PLGRKT: variants seen among roughly 807,000 people sequenced by gnomAD.
The protein encoded by PLGRKT is plasminogen receptor with a C-terminal lysine, also known as plasminogen receptor (KT).
A neutral mutation model predicts 18.5 loss-of-function variants in PLGRKT; 22 were observed. The observed-to-expected ratio is 1.19, with a 90% CI of 0.85 to 1.70. The LOEUF is 1.70. Ranked by LOEUF, PLGRKT falls within the 40% of genes most tolerant of loss-of-function variation. PLGRKT has a pLI of 0.00. For missense variants in PLGRKT, 235 were observed against 174.4 expected (o/e 1.35, Z -1.96); for synonymous variants, 72 against 52.8 (o/e 1.36, Z -1.58).
At chr9:5,417,882 G>A (rs1202607185) in intron 3 of PLGRKT, among the ~76,000 whole-genome samples, 1 of 152,086 alleles carries the variant, frequency 6.6e-6, no homozygotes, top group East Asian at 1.9e-4. Context: ...ACTAAATGAA[G>A]ACTGAGTTTC....
chr9:5,418,882 G>T lies in PLGRKT; in HGVS notation c.81+13015C>A, dbSNP rs1427900820. The T allele has an allele frequency of 9.9e-6, 10 of 1,005,364 alleles. No individual in the cohort carries two copies. The highest frequency in any genetic ancestry group is 1.4e-5 in the Non-Finnish European group (9 of 641,278). The allele number at this position is 1,005,364 out of a possible 1,614,324, so 62.3% of individuals were successfully genotyped here. A position where few individuals can be genotyped will look rare whatever the true frequency, so the allele number is the denominator to read the frequency against. On this transcript the variant is annotated intron_variant, in intron 3 of 5. Coordinates refer to ENST00000223864, the MANE Select transcript of PLGRKT (RefSeq NM_018465.4). The surrounding 1 kb of genome is among the most constrained non-coding windows in gnomAD (Gnocchi z 4.2). ...CTGCTGGAGGCAAACTGAACAGCAG[G>T]TGTGCTTGCAATCCAGCAACTTGGC...
intron 3 of PLGRKT, among the ~76,000 whole-genome samples, chr9:5,364,001 C>T (rs1173750035): frequency 6.6e-6 from 1 of 152,114 alleles, no homozygotes; most frequent in East Asian, 1.9e-4. Flanking sequence ...TCATCATATC[C>T]CCCAAAGTGA....
rs12346633 is a variant in PLGRKT, at chr9:5,383,832, A to C, written c.82-21944T>G. Among the ~76,000 whole-genome samples the C allele has an allele frequency of 9.5e-3, 1,454 of 152,312 alleles. 28 individuals are homozygous for C. The highest frequency in any genetic ancestry group is 0.033 in the African/African-American group (1,371 of 41,574). ...GGGCAGTCCGGTTCCTAATGGGCCA[A>C]TGACCAGTACCAGTCCGTGGCCCAG... On this transcript the variant is annotated intron_variant, in intron 3 of 5. Coordinates refer to ENST00000223864, the MANE Select transcript of PLGRKT (RefSeq NM_018465.4).
chr9:5,410,895 C>G (rs1818349636), intron 3 of PLGRKT, among the ~76,000 whole-genome samples: 1 of 152,032 alleles, frequency 6.6e-6, no homozygotes, highest in Non-Finnish European at 1.5e-5. Flanking sequence ...ACACAACACT[C>G]TAGATGAAAT....
At chr9:5,390,696 G>A (rs1817934689) in intron 3 of PLGRKT, among the ~76,000 whole-genome samples, 1 of 151,826 alleles carries the variant, frequency 6.6e-6, no homozygotes, top group African/African-American at 2.4e-5. Flanking sequence ...CTTCCCCAAT[G>A]TACCCAGTCA....
chr9:5,366,046 T>A (rs1817378814), intron 3 of PLGRKT, among the ~76,000 whole-genome samples: 1 of 152,172 alleles, frequency 6.6e-6, no homozygotes, highest in South Asian at 2.1e-4. Flanking sequence ...ATCTATAATG[T>A]TAATTATCAA....
In PLGRKT at chr9:5,400,135, G is replaced by C. The variant is rs148607742; in HGVS notation, c.81+31762C>G. On this transcript the variant is annotated intron_variant, in intron 3 of 5. Transcript: ENST00000223864. ...TAGCAGTTACTAATGTTAAAGTGCA[G>C]GGTCTACAGCTGAAGTTCTCCTTGT... Among the ~76,000 whole-genome samples the C allele has an allele frequency of 6.1e-3, 920 of 151,906 alleles. 32 individuals are homozygous for C. Among genetic ancestry groups the C allele is most frequent in the African/African-American group, 0.021 (879 of 41,226 alleles).
rs1818509235 is a variant in PLGRKT, at chr9:5,418,529, C to G, written c.81+13368G>C. On this transcript the variant is annotated intron_variant, in intron 3 of 5. Coordinates refer to ENST00000223864, the MANE Select transcript of PLGRKT (RefSeq NM_018465.4). The surrounding 1 kb of genome is among the most constrained non-coding windows in gnomAD (Gnocchi z 4.2). ...CCCCGCCTGTCCTGCTCCTCCTCCG[C>G]CACCCCCTGGGGAGCCCTGCCTTGC... The G allele has an allele frequency of 2.1e-6, 2 of 966,686 alleles. No homozygotes were observed. Among genetic ancestry groups the G allele is most frequent in the African/African-American group, 3.2e-5 (2 of 62,938 alleles). The allele number at this position is 966,686 out of a possible 1,614,324, so 59.9% of individuals were successfully genotyped here.
chr9:5,381,630 C>T (rs946234875), intron 3 of PLGRKT, among the ~76,000 whole-genome samples: 6 of 152,168 alleles, frequency 3.9e-5, no homozygotes, highest in African/African-American at 1.4e-4. Context: ...CTTTTTCACA[C>T]GGCTATAAAT....
At chr9:5,401,702 C>G (rs1283398042) in intron 3 of PLGRKT, among the ~76,000 whole-genome samples, 1 of 151,908 alleles carries the variant, frequency 6.6e-6, no homozygotes, top group African/African-American at 2.4e-5. Context: ...AACAGGTATT[C>G]AAAAGCCAAT....
At chr9:5,425,049 G>A (rs554577519) in intron 3 of PLGRKT, among the ~76,000 whole-genome samples, 56 of 152,214 alleles carry the variant, frequency 3.7e-4, no homozygotes, top group African/African-American at 1.3e-3. Flanking sequence ...TTTGTTGCTT[G>A]AACACAATAA....
At chr9:5,397,537 G>A (rs1438184258) in intron 3 of PLGRKT, among the ~76,000 whole-genome samples, 2 of 151,528 alleles carry the variant, frequency 1.3e-5, no homozygotes, top group African/African-American at 4.9e-5. Flanking sequence ...AAGAGGGCAG[G>A]AAGGAAGGAA....
chr9:5,366,063 T>G (rs1817379163), intron 3 of PLGRKT, among the ~76,000 whole-genome samples: 1 of 152,210 alleles, frequency 6.6e-6, no homozygotes, highest in South Asian at 2.1e-4. Context: ...TCAATTAAAA[T>G]GTTATTAACT....
At chr9:5,437,024 G>C (rs752906752) in intron 1 of PLGRKT, among the ~76,000 whole-genome samples, 1 of 152,132 alleles carries the variant, frequency 6.6e-6, no homozygotes, top group Non-Finnish European at 1.5e-5. Flanking sequence ...CTGTGTCTCA[G>C]AGTGATGTTT....
chr9:5,385,218 A>G (rs983464316), intron 3 of PLGRKT, among the ~76,000 whole-genome samples: 1 of 152,208 alleles, frequency 6.6e-6, no homozygotes, highest in African/African-American at 2.4e-5. Flanking sequence ...CATCAGTATT[A>G]AAACAGTAAA....
At chr9:5,375,391 T>C (rs1163461532) in intron 3 of PLGRKT, among the ~76,000 whole-genome samples, 2 of 152,150 alleles carry the variant, frequency 1.3e-5, no homozygotes, top group African/African-American at 2.4e-5. Context: ...CCAGGAACAA[T>C]GCAGGCATCA....
At chr9:5,429,906 G>A (rs1220718482) in intron 3 of PLGRKT, among the ~76,000 whole-genome samples, 1 of 152,090 alleles carries the variant, frequency 6.6e-6, no homozygotes, top group African/African-American at 2.4e-5. Context: ...TCTCCATTTT[G>A]GGGTGGGTCA....
At chr9:5,375,207 C>G (rs1817604468) in intron 3 of PLGRKT, among the ~76,000 whole-genome samples, 1 of 152,144 alleles carries the variant, frequency 6.6e-6, no homozygotes, top group Non-Finnish European at 1.5e-5. Flanking sequence ...GTTGTTTAGT[C>G]ACACTGACTT....
At chr9:5,393,166 T>C (rs1817981550) in intron 3 of PLGRKT, among the ~76,000 whole-genome samples, 4 of 151,892 alleles carry the variant, frequency 2.6e-5, no homozygotes. Flanking sequence ...TTAAAAACTA[T>C]TTGCGACATT....
Sources: allele counts gnomAD v4.1 joint callset (sites outside exome capture counted in the v4.1 genomes callset), GRCh38; gene constraint gnomAD v4.1.1; non-coding constraint Gnocchi (gnomAD v3.1); transcripts MANE v1.5; gene names NCBI Gene and HGNC (gene_info 2026-07-23, HGNC 2026-07-21).